CSMD1: variants seen among roughly 807,000 people sequenced by gnomAD.
CSMD1 encodes CUB and Sushi multiple domains 1.
In CSMD1, 213 loss-of-function variants were observed where a neutral mutation model predicts 417.5. The observed-to-expected ratio is 0.51, with a 90% confidence interval of 0.46 to 0.57. The LOEUF is 0.57. Ranked by LOEUF, CSMD1 falls within the 20% of genes least tolerant of loss-of-function variation. The pLI is 0.00. For missense variants in CSMD1, 6,923 were observed against 4,529.7 expected, an observed-to-expected ratio of 1.53 and a Z score of -15.17; for synonymous variants, 2,862 against 1,736.8, an observed-to-expected ratio of 1.65 and a Z score of -16.11.
chr8:4,407,050 A>T lies in CSMD1; in HGVS notation c.415+12903T>A, dbSNP rs375642472. 3.3e-5 allele frequency among the ~76,000 whole-genome samples: 5 copies of T among 152,326 alleles called. No individual in the cohort carries two copies. In the East Asian group the frequency reaches 9.7e-4, roughly 29 times the overall value. ...TGTCTTGGTAAATAAAGATTTATTG[A>T]AACACGGCCAAGGTCACTCAAGTAT... On this transcript the variant is annotated intron_variant, in intron 3 of 69. Transcript: ENST00000635120.
chr8:3,650,769 T>C (rs985434370), intron 7 of CSMD1, among the ~76,000 whole-genome samples: 1 of 152,216 alleles, frequency 6.6e-6, no homozygotes, highest in African/African-American at 2.4e-5. Flanking sequence ...AAATGTGATT[T>C]TTTTCTAAAG....
At chr8:4,035,842 T>A (rs2130602224) in intron 3 of CSMD1, among the ~76,000 whole-genome samples, 1 of 152,300 alleles carries the variant, frequency 6.6e-6, no homozygotes, top group South Asian at 2.1e-4. Flanking sequence ...GTGTACAGTG[T>A]TTATGAAGTC....
chr8:3,519,976 A>T (rs948295191), intron 10 of CSMD1, among the ~76,000 whole-genome samples: 2 of 149,802 alleles, frequency 1.3e-5, no homozygotes, highest in Non-Finnish European at 2.9e-5. Flanking sequence ...CTTTTTTAAA[A>T]CTTCTTTATC....
chr8:3,142,418 AGAAGTGT>A, intron 41 of CSMD1, 40 bp downstream of exon 41: 1 of 1,402,226 alleles, frequency 7.1e-7, no homozygotes, highest in Non-Finnish European at 1.0e-6. Context: ...TTTACATGTA[AGAAGTGT>A]ATTTAGATTT....
In CSMD1 at chr8:3,516,627, T is replaced by C. The variant is rs964967476; in HGVS notation, c.1345-22901A>G. On this transcript the variant is annotated intron_variant, in intron 10 of 69. Transcript: ENST00000635120. ...AGAGGATGTTTATTTTTGTTGTTATTGTTTTTAATTTTAATTATTGTGTTT... is the reference window on the plus strand; with the variant it reads ...AGAGGATGTTTATTTTTGTTGTTATCGTTTTTAATTTTAATTATTGTGTTT... 2.6e-5 allele frequency among the ~76,000 whole-genome samples: 4 copies of C among 152,316 alleles called. No individual in the cohort carries two copies. In the South Asian group the frequency reaches 6.2e-4, roughly 24 times the overall value.
chr8:4,563,245 C>A (rs1798432007), intron 2 of CSMD1, among the ~76,000 whole-genome samples: 1 of 151,924 alleles, frequency 6.6e-6, no homozygotes, highest in Non-Finnish European at 1.5e-5. Flanking sequence ...ACTAAAAATA[C>A]AAAAAATTAG....
At chr8:3,165,783 T>A (rs976963716) in intron 37 of CSMD1, among the ~76,000 whole-genome samples, 1 of 151,916 alleles carries the variant, frequency 6.6e-6, no homozygotes, top group Non-Finnish European at 1.5e-5. Flanking sequence ...AGGACAGTGA[T>A]GGGGATGTTA....
intron 3 of CSMD1, among the ~76,000 whole-genome samples, chr8:4,184,052 T>C (rs1335694129): frequency 1.3e-5 from 2 of 152,216 alleles, no homozygotes; most frequent in South Asian, 2.1e-4. Context: ...ATTCTGTTAT[T>C]ATCTACCCTG....
At chr8:3,608,502 G>A (rs558158629) in intron 8 of CSMD1, among the ~76,000 whole-genome samples, 4 of 152,198 alleles carry the variant, frequency 2.6e-5, no homozygotes, top group South Asian at 2.1e-4. Flanking sequence ...TGTGGCTCAC[G>A]CCTGTAATCC....
intron 3 of CSMD1, among the ~76,000 whole-genome samples, chr8:4,139,167 C>A (rs1803622974): frequency 1.3e-5 from 2 of 152,104 alleles, no homozygotes; most frequent in African/African-American, 4.8e-5. Flanking sequence ...CACATGAAAC[C>A]CTTTACTTAA....
chr8:3,313,833 C>T (rs149171123), intron 23 of CSMD1, among the ~76,000 whole-genome samples: 4,172 of 152,168 alleles, frequency 0.027, 76 homozygotes, highest in African/African-American at 0.033. Context: ...ATGTTTATAG[C>T]GGCACTATTC....
chr8:4,405,617 A>T (rs951485182), intron 3 of CSMD1, among the ~76,000 whole-genome samples: 2 of 152,224 alleles, frequency 1.3e-5, no homozygotes, highest in African/African-American at 4.8e-5. Context: ...AAAAAGAAAA[A>T]AAGAAAAACA....
At chr8:4,724,780 G>C (rs1156957094) in intron 1 of CSMD1, among the ~76,000 whole-genome samples, 1 of 151,968 alleles carries the variant, frequency 6.6e-6, no homozygotes, top group Non-Finnish European at 1.5e-5. Flanking sequence ...AAGATATACA[G>C]CATAGCCTTG....
intron 28 of CSMD1, among the ~76,000 whole-genome samples, chr8:3,221,152 G>A (rs958262591): frequency 6.6e-6 from 1 of 152,150 alleles, no homozygotes; most frequent in Non-Finnish European, 1.5e-5. Flanking sequence ...ACCATGAAGG[G>A]GAACAGAGAA....
At chr8:4,123,228 T>C (rs1431515321) in intron 3 of CSMD1, among the ~76,000 whole-genome samples, 2 of 152,202 alleles carry the variant, frequency 1.3e-5, no homozygotes, top group Non-Finnish European at 2.9e-5. Context: ...AGTTCACAGT[T>C]AATGACAGAA....
chr8:4,833,791 G>C (rs551740940), intron 1 of CSMD1, among the ~76,000 whole-genome samples: 24 of 152,286 alleles, frequency 1.6e-4, no homozygotes, highest in Admixed American at 1.3e-3. Flanking sequence ...TCCCATGGAA[G>C]GATAGATCAG....
intron 1 of CSMD1, among the ~76,000 whole-genome samples, chr8:4,699,216 G>A (rs866171234): frequency 4.7e-4 from 71 of 152,264 alleles, no homozygotes; most frequent in African/African-American, 1.5e-3. Flanking sequence ...ATACTCAAAT[G>A]TTTTCCTTTG....
intron 5 of CSMD1, among the ~76,000 whole-genome samples, chr8:3,913,839 T>A (rs1808621793): frequency 6.6e-6 from 1 of 152,164 alleles, no homozygotes; most frequent in African/African-American, 2.4e-5. Context: ...GACGGTCTAA[T>A]CACCTTGACT....
intron 1 of CSMD1, among the ~76,000 whole-genome samples, chr8:4,722,651 T>G (rs1178849679): frequency 6.6e-6 from 1 of 152,052 alleles, no homozygotes; most frequent in Non-Finnish European, 1.5e-5. Context: ...TCTCAGCATC[T>G]CATTACTATC....
Sources: gnomAD v4.1 joint callset for allele counts (sites outside exome capture counted in the v4.1 genomes callset) on GRCh38, gnomAD v4.1.1 for gene constraint, MANE v1.5 for transcripts, NCBI Gene and HGNC (gene_info 2026-07-23, HGNC 2026-07-21) for gene names.